TSHZ3: variants seen among roughly 807,000 people sequenced by gnomAD.
The protein encoded by TSHZ3 is teashirt zinc finger homeobox 3.
Under a neutral mutation model 64.5 loss-of-function variants are expected in TSHZ3, and 10 were observed. The ratio of observed to expected loss-of-function variants is 0.16; its 90% CI spans 0.10 to 0.26. TSHZ3 has a LOEUF of 0.26. TSHZ3 is among the 10% of genes least tolerant of loss of function. The pLI, the probability that TSHZ3 is intolerant of heterozygous loss-of-function variation, is 1.00. For missense variants in TSHZ3, 1,242 were observed against 1,421.7 expected, an observed-to-expected ratio of 0.87 and a Z score of 2.03; for synonymous variants, 608 against 593.1, an observed-to-expected ratio of 1.03 and a Z score of -0.36.
chr19:31,154,894 C>G (rs2145096863), intron 6 of TSHZ3, among the ~76,000 whole-genome samples: 1 of 152,320 alleles, frequency 6.6e-6, no homozygotes, highest in African/African-American at 2.4e-5. Flanking sequence ...GGGCCAGGAC[C>G]CTTACTCGGC....
intron 1 of TSHZ3, among the ~76,000 whole-genome samples, chr19:31,280,586 T>C (rs971638338): frequency 7.2e-5 from 11 of 152,368 alleles, no homozygotes; most frequent in Admixed American, 5.9e-4. Flanking sequence ...TCATTCCTGA[T>C]GTATAAATAT....
chr19:31,240,555 C>T (rs61523275), intron 3 of TSHZ3, among the ~76,000 whole-genome samples: 2,629 of 152,118 alleles, frequency 0.017, 76 homozygotes, highest in African/African-American at 0.059. Flanking sequence ...AAAAGATGGA[C>T]GTGAGAAAGG....
Position 31,161,336 on chromosome 19 carries a change from C to T in TSHZ3, n.810-4919G>A, listed in dbSNP as rs534362851. 2.0e-5 allele frequency among the ~76,000 whole-genome samples: 3 copies of T among 152,266 alleles called. No homozygotes were observed. In the East Asian group the frequency reaches 5.8e-4, roughly 29 times the overall value. Reference sequence around the variant, plus strand: ...AATTATATTTTACTAGCAGACAACTCTGAACTAAGGACTAAAGTTAAGGCA... The same window carrying T: ...AATTATATTTTACTAGCAGACAACTTTGAACTAAGGACTAAAGTTAAGGCA... On this transcript the variant is annotated intron_variant and non_coding_transcript_variant, in intron 5 of 6. Coordinates refer to the TSHZ3 transcript ENST00000651361.
chr19:31,245,774 G>C (rs1288162850), intron 1 of TSHZ3, among the ~76,000 whole-genome samples: 1 of 152,168 alleles, frequency 6.6e-6, no homozygotes, highest in African/African-American at 2.4e-5. Flanking sequence ...GAGTGGTAGG[G>C]GCTGTTACAA....
downstream of TSHZ3, among the ~76,000 whole-genome samples, chr19:31,272,689 A>G (rs1327601643): frequency 6.6e-6 from 1 of 152,224 alleles, no homozygotes. Flanking sequence ...GCTCCATTTA[A>G]GATTTTCATC....
At chr19:31,187,877 T>G (rs569322645) in intron 5 of TSHZ3, among the ~76,000 whole-genome samples, 12 of 152,120 alleles carry the variant, frequency 7.9e-5, no homozygotes, top group Non-Finnish European at 1.8e-4. Flanking sequence ...TTTAACTTTG[T>G]TCTCTTTAAT....
chr19:31,320,965 G>C (rs1354767384), intron 1 of TSHZ3, among the ~76,000 whole-genome samples: 1 of 152,162 alleles, frequency 6.6e-6, no homozygotes, highest in Non-Finnish European at 1.5e-5. Flanking sequence ...GTCAGGACAG[G>C]TCATCCGGCC....
chr19:31,284,518 C>T (rs1599624898), intron 1 of TSHZ3, among the ~76,000 whole-genome samples: 1 of 152,166 alleles, frequency 6.6e-6, no homozygotes, highest in Non-Finnish European at 1.5e-5. Context: ...CCACCATTTG[C>T]CCGGTTCCCC....
At chr19:31,350,787 G>A (rs908691028), upstream of TSHZ3, among the ~76,000 whole-genome samples, 11 of 148,212 alleles carry the variant, frequency 7.4e-5, no homozygotes, top group African/African-American at 2.7e-4. Flanking sequence ...GCGGCTGAGC[G>A]GGAGCCGGAG....
chr19:31,206,586 C>A (rs1975181707), intron 4 of TSHZ3, among the ~76,000 whole-genome samples: 1 of 152,064 alleles, frequency 6.6e-6, no homozygotes, highest in Middle Eastern at 3.2e-3. Flanking sequence ...CCTTCTCCAG[C>A]AAGGACATAA....
intron 1 of TSHZ3, among the ~76,000 whole-genome samples, chr19:31,301,247 A>G (rs1258981142): frequency 6.6e-6 from 1 of 152,024 alleles, no homozygotes; most frequent in East Asian, 1.9e-4. Flanking sequence ...CATCCCCACC[A>G]CGTCTCCCTC....
intron 1 of TSHZ3, among the ~76,000 whole-genome samples, chr19:31,333,000 G>A (rs1333010612): frequency 1.3e-5 from 2 of 151,962 alleles, no homozygotes; most frequent in African/African-American, 2.4e-5. Flanking sequence ...AGCTACTCAG[G>A]AGGCTGAGGT....
intron 1 of TSHZ3, among the ~76,000 whole-genome samples, chr19:31,340,578 C>G (rs911580530): frequency 2.6e-5 from 4 of 152,030 alleles, no homozygotes; most frequent in African/African-American, 7.2e-5. Flanking sequence ...AAAGCCTTGG[C>G]GGTGAGGAGA....
intron 4 of TSHZ3, among the ~76,000 whole-genome samples, chr19:31,221,398 A>G (rs1457550745): frequency 2.0e-5 from 3 of 152,158 alleles, no homozygotes; most frequent in Admixed American, 6.5e-5. Context: ...ATCAAAGTCA[A>G]CAGAAAACAC....
At chr19:31,265,334 T>C (rs1214662002) in intron 1 of TSHZ3, among the ~76,000 whole-genome samples, 1 of 131,584 alleles carries the variant, frequency 7.6e-6, no homozygotes, top group Non-Finnish European at 1.5e-5. Context: ...GAGGCGGAGG[T>C]TGCAGTGAGC....
downstream of TSHZ3, among the ~76,000 whole-genome samples, chr19:31,272,482 A>T (rs1341108180): frequency 6.6e-6 from 1 of 152,202 alleles, no homozygotes; most frequent in Middle Eastern, 3.2e-3. Context: ...GAATGAAAAT[A>T]GAATAGAGAT....
chr19:31,273,801 C>G (rs1432477262), downstream of TSHZ3, among the ~76,000 whole-genome samples: 1 of 152,182 alleles, frequency 6.6e-6, no homozygotes, highest in African/African-American at 2.4e-5. Context: ...AGAAAAGAAC[C>G]AGGGCCAGCC....
chr19:31,264,620 G>A (rs1351977903), intron 1 of TSHZ3, among the ~76,000 whole-genome samples: 1 of 152,190 alleles, frequency 6.6e-6, no homozygotes, highest in Admixed American at 6.5e-5. Flanking sequence ...ATGCAGGAAT[G>A]TGGCATCCGG....
At chr19:31,266,668 G>C (rs181849412) in intron 1 of TSHZ3, among the ~76,000 whole-genome samples, 1 of 152,224 alleles carries the variant, frequency 6.6e-6, no homozygotes, top group Non-Finnish European at 1.5e-5. Flanking sequence ...AAGAAAAAAA[G>C]TTGTGGTATA....
Sources: gnomAD v4.1 joint callset for allele counts (sites outside exome capture counted in the v4.1 genomes callset) on GRCh38, gnomAD v4.1.1 for gene constraint, MANE v1.5 for transcripts, NCBI Gene and HGNC (gene_info 2026-07-23, HGNC 2026-07-21) for gene names.